GAK: variants seen among roughly 807,000 people sequenced by gnomAD.
GAK encodes cyclin-G-associated kinase.
In GAK, 79 loss-of-function variants were observed where a neutral mutation model predicts 143.9. The ratio of observed to expected loss-of-function variants is 0.55; its 90% CI spans 0.46 to 0.66. GAK has a LOEUF of 0.66. Among genes scored for constraint, GAK ranks in the 30% least tolerant of loss-of-function variants. The pLI is 0.00. For missense variants in GAK, 1,693 were observed against 1,779.7 expected, an observed-to-expected ratio of 0.95 and a Z score of 0.88; for synonymous variants, 881 against 765.5, an observed-to-expected ratio of 1.15 and a Z score of -2.49.
chr4:902,793 C>T (rs1296436706), intron 5 of GAK, among the ~76,000 whole-genome samples: 5 of 152,010 alleles, frequency 3.3e-5, no homozygotes, highest in Middle Eastern at 3.2e-3. Flanking sequence ...GCACAGGCGA[C>T]ACTTAGCAGA....
At chr4:876,197 C>A (rs1285914009) in intron 18 of GAK, among the ~76,000 whole-genome samples, 2 of 152,150 alleles carry the variant, frequency 1.3e-5, no homozygotes, top group African/African-American at 4.8e-5. Flanking sequence ...TCTCCAGCCT[C>A]CGCCTGGCAG....
chr4:881,199 G>A (rs942258811), intron 15 of GAK, among the ~76,000 whole-genome samples: 7 of 152,140 alleles, frequency 4.6e-5, no homozygotes, highest in Non-Finnish European at 5.9e-5. Flanking sequence ...CTTCCCTCCC[G>A]CCACGGTGGG....
At chr4:854,675 T>C (rs1377115750) in intron 24 of GAK, among the ~76,000 whole-genome samples, 1 of 152,226 alleles carries the variant, frequency 6.6e-6, no homozygotes, top group African/African-American at 2.4e-5. Flanking sequence ...ATCGCCGCAA[T>C]GTTGATTTGT....
chr4:893,985 G>C lies in GAK; in HGVS notation c.766C>G (p.Leu256Val). 1 of 1,610,998 alleles carries C rather than the reference G, an allele frequency of 6.2e-7. No individual in the cohort carries two copies. The highest frequency in any genetic ancestry group is 1.1e-5 in the South Asian group (1 of 90,672). Residue 256 changes from leucine to valine, a missense_variant, in exon 8 of 28, where the codon CTG (leucine) becomes GTG (valine). By Grantham distance (32) the Leu-to-Val change is conservative. Coordinates refer to ENST00000314167, the MANE Select transcript of GAK (RefSeq NM_005255.4). ...IWALGCILYLLCFRQHPFEDG... is the reference protein window; with the variant it reads ...IWALGCILYLVCFRQHPFEDG... ...TCAAAAGGGTGCTGCCGGAAGCACAGCAGGTACAAGATGCAGCCCAGGGCC... is the reference window on the plus strand; with the variant it reads ...TCAAAAGGGTGCTGCCGGAAGCACACCAGGTACAAGATGCAGCCCAGGGCC...
At chr4:882,602 C>T in intron 14 of GAK, 95 bp downstream of exon 14, 2 of 1,478,394 alleles carry the variant, frequency 1.4e-6, no homozygotes, top group Non-Finnish European at 1.8e-6. Context: ...AAGAACAGGC[C>T]CCAGCTCATG....
At chr4:865,010 C>A in intron 23 of GAK, 112 bp downstream of exon 23, 1 of 1,398,288 alleles carries the variant, frequency 7.2e-7, no homozygotes, top group South Asian at 1.4e-5. Flanking sequence ...CGCCCCAGCC[C>A]TTCCTTCCTT....
rs372691844 is a variant in GAK at position 907,343 on chromosome 4, T to C, written c.383-2564A>G. ...CTCACCACAGCTCCCTCAAAAGCTTTGTGCTGACCCTCTGAGAAACAGGGG... is the reference window on the plus strand; with the variant it reads ...CTCACCACAGCTCCCTCAAAAGCTTCGTGCTGACCCTCTGAGAAACAGGGG... On this transcript the variant is annotated intron_variant, in intron 4 of 27. Coordinates refer to ENST00000314167, the MANE Select transcript of GAK (RefSeq NM_005255.4). Among the ~76,000 whole-genome samples, 5 of 152,234 alleles carry C rather than the reference T, an allele frequency of 3.3e-5. No individual in the cohort carries two copies. The East Asian group carries it at 9.7e-4, about 29-fold the overall frequency.
intron 4 of GAK, among the ~76,000 whole-genome samples, chr4:905,616 G>A (rs1388089518): frequency 6.7e-6 from 1 of 148,290 alleles, no homozygotes; most frequent in African/African-American, 2.5e-5. Context: ...GCCAAACCAG[G>A]CCACGCTTCG....
intron 24 of GAK, among the ~76,000 whole-genome samples, chr4:856,633 C>CACAGCTGCTCACACCTGCTCACT (rs1749327457): frequency 7.8e-6 from 1 of 127,814 alleles, no homozygotes; most frequent in African/African-American, 2.6e-5. Context: ...ACCTGCTCAC[C>CACAGCTGCTCACACCTGCTCACT]ACAGCTGCTC....
At chr4:870,593 G>A in intron 19 of GAK, 118 bp downstream of exon 19, 2 of 1,028,452 alleles carry the variant, frequency 1.9e-6, no homozygotes, top group Non-Finnish European at 2.9e-6. Context: ...AGCTGCTCAG[G>A]GCCTGGGTGC....
At chr4:924,997 G>A (rs1724491441) in intron 1 of GAK, among the ~76,000 whole-genome samples, 2 of 152,108 alleles carry the variant, frequency 1.3e-5, no homozygotes, top group Admixed American at 1.3e-4. Flanking sequence ...CTCAGGAGGA[G>A]GTTGCCAGGA....
rs936331016 is a variant in GAK at position 849,384 on chromosome 4, G to A, written c.*289C>T. On this transcript the variant is annotated 3_prime_UTR_variant, in exon 28 of 28. Coordinates refer to ENST00000314167, the MANE Select transcript of GAK (RefSeq NM_005255.4). ...CCAGCAGCGTGGCCCACCACGTGCCGGGGCTCCAGAGGCCACGCCCGAAAC... is the reference window on the plus strand; with the variant it reads ...CCAGCAGCGTGGCCCACCACGTGCCAGGGCTCCAGAGGCCACGCCCGAAAC... The A allele has an allele frequency of 1.2e-4, 55 of 474,408 alleles. No individual in the cohort carries two copies. The highest frequency in any genetic ancestry group is 1.8e-4 in the South Asian group (7 of 39,054). 29.4% of individuals were successfully genotyped at this position (474,408 alleles called of 1,614,324 possible). A position where few individuals can be genotyped will look rare whatever the true frequency, so the allele number is the denominator to read the frequency against.
Position 877,107 on chromosome 4 carries a change from C to A in GAK, c.1957G>T (p.Gly653Cys). The A allele has an allele frequency of 6.2e-7, 1 of 1,613,218 alleles. No individual in the cohort carries two copies. The highest frequency in any genetic ancestry group is 8.5e-7 in the Non-Finnish European group (1 of 1,179,396). Residue 653 changes from glycine (G) to cysteine (C), a missense_variant, in exon 17 of 28, where the codon GGC (glycine) becomes TGC (cysteine). Transcript: ENST00000314167. ...VIYHARSTLGGRLQAKMASMK... is the reference protein window; with the variant it reads ...VIYHARSTLGCRLQAKMASMK... Reference sequence around the variant, plus strand: ...TCTCTCACCTTGGCCTGCAGCCGGCCGCCCAGAGTGGACCGGGCGTGATAG... The same window carrying A: ...TCTCTCACCTTGGCCTGCAGCCGGCAGCCCAGAGTGGACCGGGCGTGATAG...
chr4:905,555 CCCAGGCCATGCT>C (rs946280501), intron 4 of GAK, among the ~76,000 whole-genome samples: 2 of 150,342 alleles, frequency 1.3e-5, no homozygotes, highest in African/African-American at 2.5e-5. Flanking sequence ...TCCGCCACGC[CCCAGGCCATGCT>C]ACGGACTTCG....
rs111598903 is a variant in GAK, at chr4:915,621, C to T, written c.146-1953G>A. 4.6e-4 allele frequency: 70 copies of T among 152,112 alleles called. 1 individual carries two copies. Among genetic ancestry groups the T allele is most frequent in the African/African-American group, 1.6e-3 (67 of 41,490 alleles). The allele number at this position is 152,112 out of a possible 1,614,324, so 9.4% of individuals were successfully genotyped here. A position where few individuals can be genotyped will look rare whatever the true frequency, so the allele number is the denominator to read the frequency against. ...CAATTTAATTCTATTGTTTTGGGGT[C>T]TAATTTGCTTAGTTTTCTTTTAGGT... is the stretch of plus-strand genomic sequence containing the variant. On this transcript the variant is annotated intron_variant, in intron 1 of 27. Transcript: ENST00000314167.
At chr4:883,708 C>A (rs1215748227) in intron 12 of GAK, among the ~76,000 whole-genome samples, 1 of 152,268 alleles carries the variant, frequency 6.6e-6, no homozygotes, top group African/African-American at 2.4e-5. Flanking sequence ...CTTTCTGACA[C>A]CTGCCCTGTC....
intron 3 of GAK, 65 bp downstream of exon 3, chr4:912,670 A>G (rs1312405919): frequency 7.5e-7 from 1 of 1,333,084 alleles, no homozygotes; most frequent in African/African-American, 1.5e-5. Flanking sequence ...TGGCGGTCAC[A>G]GCTTGACGCA....
intron 27 of GAK, 43 bp downstream of exon 27, chr4:849,849 C>CCCCCCCCAA: frequency 7.0e-7 from 1 of 1,425,646 alleles, no homozygotes; most frequent in Non-Finnish European, 9.6e-7. Context: ...CCCCCCGCCC[C>CCCCCCCCAA]GCCCCTGAAG....
chr4:901,078 C>A (rs1259693379), intron 5 of GAK, among the ~76,000 whole-genome samples: 1 of 152,368 alleles, frequency 6.6e-6, no homozygotes, highest in South Asian at 2.1e-4. Flanking sequence ...CGTGAAGACA[C>A]CTGTGCTATA....
Sources: gnomAD v4.1 joint callset for allele counts (sites outside exome capture counted in the v4.1 genomes callset) on GRCh38, gnomAD v4.1.1 for gene constraint, MANE v1.5 for transcripts, NCBI Gene and HGNC (gene_info 2026-07-23, HGNC 2026-07-21) for gene names.